The following MYOM3 variants were observed in gnomAD, a reference collection of about 807,000 sequenced individuals.
MYOM3 encodes the protein myomesin-3.
MYOM3 carries 155 observed loss-of-function variants against 191.7 expected under a neutral mutation model. The observed-to-expected ratio is 0.81, with a 90% CI of 0.71 to 0.92. The LOEUF (loss-of-function observed/expected upper bound fraction) is 0.92, where lower values mean the gene tolerates loss of function less well. Ranked by LOEUF, MYOM3 falls within the 40% of genes least tolerant of loss-of-function variation. The pLI, the probability that MYOM3 is intolerant of heterozygous loss-of-function variation, is 0.00. For missense variants in MYOM3, 1,889 were observed against 1,890.6 expected (o/e 1.00, Z 0.02); for synonymous variants, 757 against 762.9 (o/e 0.99, Z 0.13).
intron 19 of MYOM3, 118 bp downstream of exon 19, chr1:24,081,212 G>A (rs1643663495): frequency 2.3e-6 from 3 of 1,315,576 alleles, no homozygotes; most frequent in African/African-American, 1.5e-5. Context: ...GGCCTGGGGT[G>A]CAGGACAAAC....
intron 7 of MYOM3, 38 bp from the exon 8 acceptor site, chr1:24,095,524 A>C (rs746666859): frequency 6.3e-7 from 1 of 1,590,968 alleles, no homozygotes; most frequent in South Asian, 1.1e-5. Context: ...GAGAAGGTTC[A>C]GAGCCCACAT....
chr1:24,072,532 G>A (rs536563263), intron 23 of MYOM3, among the ~76,000 whole-genome samples: 3 of 151,930 alleles, frequency 2.0e-5, no homozygotes, highest in Non-Finnish European at 4.4e-5. Flanking sequence ...TCTTCTTCTT[G>A]TTCGTTTTTT....
chr1:24,076,689 A>C lies in MYOM3; in HGVS notation c.2587-416T>G, dbSNP rs1340024470. Among the ~76,000 whole-genome samples, 31 of 99,240 alleles carry C rather than the reference A, an allele frequency of 3.1e-4. 11 individuals carry two copies. The highest frequency in any genetic ancestry group is 2.0e-4 in the Admixed American group (2 of 10,034). 65.1% of individuals were successfully genotyped at this position (99,240 alleles called of 152,430 possible). A position where few individuals can be genotyped will look rare whatever the true frequency, so the allele number is the denominator to read the frequency against. ...CCACTACGCCCGGCTAATTTTTTGT[A>C]TTTTTAGTAGAGACGGGGTTTCACC... On this transcript the variant is annotated intron_variant, in intron 20 of 36. Transcript: ENST00000374434.
chr1:24,071,061 G>A, intron 25 of MYOM3, 56 bp downstream of exon 25: 8 of 1,591,358 alleles, frequency 5.0e-6, no homozygotes, highest in Non-Finnish European at 6.9e-6. Context: ...ACCATCCCGC[G>A]AGGCCACCTC....
Position 24,108,055 on chromosome 1 carries a change from G to A in MYOM3, c.180C>T (p.Phe60=). Residue 60 remains phenylalanine, a synonymous_variant, in exon 3 of 37, where the codon TTC becomes TTT. Transcript: ENST00000374434. Reference sequence around the variant, plus strand: ...CTGCCAGGGCGTAGTCCGCGGCGCTGAACTCATGCTCTTCTTCGCTGCTCC... The same window carrying A: ...CTGCCAGGGCGTAGTCCGCGGCGCTAAACTCATGCTCTTCTTCGCTGCTCC... ...TFRSSEEEHE[F]SAADYALAAA... 1.2e-6 allele frequency: 2 copies of A among 1,613,762 alleles called. No homozygotes were observed. The highest frequency in any genetic ancestry group is 1.1e-5 in the South Asian group (1 of 91,066).
chr1:24,065,822 A>G, intron 29 of MYOM3, 69 bp downstream of exon 29: 1 of 1,207,266 alleles, frequency 8.3e-7, no homozygotes, highest in Non-Finnish European at 1.2e-6. Flanking sequence ...CTCCCAGCCC[A>G]GAGCTCTTGG....
rs375342980 is a variant in MYOM3, at chr1:24,094,986, C to T, written c.795G>A (p.Ser265=). ...AGFDSEIFKR[S]TFGPSVEFTS... ...TGAATTCCACGCTGGGGCCAAACGT[C>T]GATCCTGGCGTGGGAATGAAATTTG... Residue 265 remains serine (S), a synonymous_variant, in exon 9 of 37, where the codon TCG becomes TCA. Coordinates refer to ENST00000374434, the MANE Select transcript of MYOM3 (RefSeq NM_152372.4). 51 of 1,612,482 alleles carry T rather than the reference C, an allele frequency of 3.2e-5. No individual in the cohort carries two copies. The African/African-American group carries it at 3.6e-4, about 11-fold the overall frequency.
At position 24,062,127 on chromosome 1, in the gene MYOM3, G is replaced by T; in HGVS notation, c.3771-18C>A. ...GTTTGTCTCTGAATGTGAGGGTGGA[G>T]AAATGGTTAAGGCTGCCTGTCTGCA... On this transcript the variant is annotated intron_variant, in intron 32 of 36. Transcript: ENST00000374434. 1 of 1,613,422 alleles carries T rather than the reference G, an allele frequency of 6.2e-7. No individual in the cohort carries two copies. Among genetic ancestry groups the T allele is most frequent in the Non-Finnish European group, 8.5e-7 (1 of 1,179,702 alleles).
intron 6 of MYOM3, 115 bp from the exon 7 acceptor site, chr1:24,098,126 A>G (rs1643888455): frequency 2.7e-6 from 2 of 732,492 alleles, no homozygotes; most frequent in Admixed American, 4.2e-5. Context: ...GGTGCCAGGA[A>G]GAGACTTTGG....
rs1251627874 is a variant in MYOM3 at position 24,063,611 on chromosome 1, G to A, written c.3623-81C>T. 3.3e-6 allele frequency: 5 copies of A among 1,534,884 alleles called. No individual in the cohort carries two copies. The highest frequency in any genetic ancestry group is 9.0e-7 in the Non-Finnish European group (1 of 1,111,994). On this transcript the variant is annotated intron_variant, in intron 30 of 36. Transcript: ENST00000374434. The surrounding 1 kb of genome is among the most constrained non-coding windows in gnomAD (Gnocchi z 4.5). ...TAGGAGTGGGGACATCCTAGAAAAA[G>A]GCTGGTGGAGCCCGTGAGCTGCTCT...
chr1:24,077,844 C>T (rs930109357), intron 20 of MYOM3, among the ~76,000 whole-genome samples: 17 of 152,138 alleles, frequency 1.1e-4, no homozygotes, highest in Non-Finnish European at 2.1e-4. Flanking sequence ...AACCTACATG[C>T]GGAGGGGGCG....
intron 12 of MYOM3, 69 bp downstream of exon 12, chr1:24,090,728 C>T: frequency 6.7e-7 from 1 of 1,494,590 alleles, no homozygotes; most frequent in Non-Finnish European, 9.3e-7. Flanking sequence ...GGATTGTCTC[C>T]TGTGTGAGAC....
At chr1:24,069,214 G>T (rs1483316875) in intron 25 of MYOM3, among the ~76,000 whole-genome samples, 1 of 152,160 alleles carries the variant, frequency 6.6e-6, no homozygotes. Flanking sequence ...TTGTATGTAT[G>T]ATTTGGGGGA....
chr1:24,062,557 G>A (rs1643383770), intron 32 of MYOM3, among the ~76,000 whole-genome samples: 1 of 152,150 alleles, frequency 6.6e-6, no homozygotes, highest in African/African-American at 2.4e-5. Context: ...AAAAAGCACT[G>A]GGAAAACTCT....
chr1:24,099,690 C>T lies in MYOM3; in HGVS notation c.646G>A (p.Glu216Lys). Residue 216 changes from glutamate to lysine, a missense_variant, in exon 6 of 37, where the codon GAG (glutamate) becomes AAG (lysine). Transcript: ENST00000374434. ...ITNNYGLLSLEIRRCAIEDSA... is the reference protein window; with the variant it reads ...ITNNYGLLSLKIRRCAIEDSA... Reference sequence around the variant, plus strand: ...GGTCTCCAGTCTCACCTCCTAATCTCCAGGGACAGCAGCCCGTAGTTGTTG... The same window carrying T: ...GGTCTCCAGTCTCACCTCCTAATCTTCAGGGACAGCAGCCCGTAGTTGTTG... 6.2e-7 allele frequency: 1 copy of T among 1,613,748 alleles called. No homozygotes were observed. Among genetic ancestry groups the T allele is most frequent in the Non-Finnish European group, 8.5e-7 (1 of 1,179,714 alleles).
At chr1:24,084,335 A>G (rs1643709804) in intron 16 of MYOM3, 133 bp downstream of exon 16, 2 of 963,922 alleles carry the variant, frequency 2.1e-6, no homozygotes, top group Admixed American at 2.5e-5. Context: ...AGGCCTCCCC[A>G]GAAAAAGAAG....
intron 9 of MYOM3, among the ~76,000 whole-genome samples, chr1:24,094,586 C>T (rs1279041600): frequency 1.3e-5 from 2 of 152,166 alleles, no homozygotes; most frequent in African/African-American, 4.8e-5. Flanking sequence ...GGACACAGCC[C>T]CCTGGGCTCA....
At position 24,112,117 on chromosome 1, in the gene MYOM3, CG is replaced by C. The variant is rs986774218; in HGVS notation, c.-106del. 1.3e-5 allele frequency: 2 copies of C among 152,168 alleles called. No homozygotes were observed. Among genetic ancestry groups the C allele is most frequent in the Non-Finnish European group, 2.9e-5 (2 of 68,060 alleles). The allele number at this position is 152,168 out of a possible 1,614,324, so 9.4% of individuals were successfully genotyped here. On this transcript the variant is annotated 5_prime_UTR_variant, in exon 1 of 37. Coordinates refer to ENST00000374434, the MANE Select transcript of MYOM3 (RefSeq NM_152372.4). ...TGTTCTCTTCTTGCCCTCGGCTCAG[CG>C]GGCACCGGGAGAAGAATGCGATCCC...
chr1:24,057,647 G>T lies in MYOM3; in HGVS notation c.4051-20C>A. The T allele has an allele frequency of 6.2e-7, 1 of 1,610,520 alleles. No homozygotes were observed. The highest frequency in any genetic ancestry group is 8.5e-7 in the Non-Finnish European group (1 of 1,177,428). ...CAGGGTCTGTTTGAAAAGACAGGAA[G>T]GGAACAGTCTCACCTCCTTGTAACT... On this transcript the variant is annotated intron_variant, in intron 36 of 36. Coordinates refer to ENST00000374434, the MANE Select transcript of MYOM3 (RefSeq NM_152372.4).
Sources: gnomAD v4.1 joint callset for allele counts (sites outside exome capture counted in the v4.1 genomes callset) on GRCh38, gnomAD v4.1.1 for gene constraint, Gnocchi (gnomAD v3.1) non-coding constraint, MANE v1.5 for transcripts, NCBI Gene and HGNC (gene_info 2026-07-23, HGNC 2026-07-21) for gene names.